ATRNL1: variants seen among roughly 807,000 people sequenced by gnomAD.
The protein encoded by ATRNL1 is attractin like 1.
In ATRNL1, 95 loss-of-function variants were observed where a neutral mutation model predicts 182.7. That is an observed-to-expected ratio of 0.52 (90% CI 0.44 to 0.62). The LOEUF (loss-of-function observed/expected upper bound fraction) is 0.62, where lower values mean the gene tolerates loss of function less well. Ranked by LOEUF, ATRNL1 falls within the 20% of genes least tolerant of loss-of-function variation. ATRNL1 has a pLI of 0.00. For synonymous variants in ATRNL1, 576 were observed against 568.3 expected, an observed-to-expected ratio of 1.01 and a Z score of -0.19; for missense variants, 1,471 against 1,679.5, an observed-to-expected ratio of 0.88 and a Z score of 2.17.
intron 26 of ATRNL1, among the ~76,000 whole-genome samples, chr10:115,718,808 A>G (rs72826815): frequency 4.5e-4 from 68 of 152,376 alleles, no homozygotes; most frequent in South Asian, 8.3e-4. Context: ...TCCAGGCTAC[A>G]TAAGTACTTC....
chr10:115,192,435 A>G (rs1477899769), intron 8 of ATRNL1, among the ~76,000 whole-genome samples: 3 of 152,014 alleles, frequency 2.0e-5, no homozygotes, highest in Non-Finnish European at 4.4e-5. Context: ...TGGAGTCTCT[A>G]TTCTGTTGCA....
At chr10:115,687,754 A>G (rs1018656964) in intron 26 of ATRNL1, among the ~76,000 whole-genome samples, 1 of 152,056 alleles carries the variant, frequency 6.6e-6, no homozygotes, top group South Asian at 2.1e-4. Context: ...ATAATGTTCA[A>G]TTCAGGGTAA....
intron 26 of ATRNL1, among the ~76,000 whole-genome samples, chr10:115,556,444 T>C (rs1554997053): frequency 1.3e-5 from 2 of 152,172 alleles, no homozygotes; most frequent in Admixed American, 6.5e-5. Flanking sequence ...ATGTTTCACA[T>C]AGTATCATTG....
At chr10:115,838,709 A>G (rs1483933183) in intron 27 of ATRNL1, among the ~76,000 whole-genome samples, 1 of 152,182 alleles carries the variant, frequency 6.6e-6, no homozygotes, top group Non-Finnish European at 1.5e-5. Context: ...TGATCATGGA[A>G]CATCGAGACA....
intron 19 of ATRNL1, among the ~76,000 whole-genome samples, chr10:115,368,132 T>C (rs1168855592): frequency 3.9e-5 from 6 of 152,308 alleles, no homozygotes; most frequent in Admixed American, 6.5e-5. Context: ...GGCTCGCTGC[T>C]GCCTTACAGT....
chr10:115,735,642 T>C (rs1237670594), intron 27 of ATRNL1, among the ~76,000 whole-genome samples: 2 of 152,198 alleles, frequency 1.3e-5, no homozygotes, highest in African/African-American at 4.8e-5. Flanking sequence ...ATAAGGGTAC[T>C]TGAACACAAG....
intron 9 of ATRNL1, among the ~76,000 whole-genome samples, chr10:115,234,281 C>G (rs1052101216): frequency 5.9e-5 from 9 of 152,012 alleles, no homozygotes; most frequent in Non-Finnish European, 1.0e-4. Context: ...TATATTCTCT[C>G]AGGATCTTTT....
chr10:115,593,002 G>A (rs1856006126), intron 26 of ATRNL1, among the ~76,000 whole-genome samples: 1 of 152,044 alleles, frequency 6.6e-6, no homozygotes, highest in South Asian at 2.1e-4. Context: ...CCACAGACTG[G>A]GTAATTTGTA....
chr10:115,830,960 T>A (rs1360625165), intron 27 of ATRNL1, among the ~76,000 whole-genome samples: 1 of 152,128 alleles, frequency 6.6e-6, no homozygotes, highest in Non-Finnish European at 1.5e-5. Flanking sequence ...AGGCCTTGCC[T>A]TTTTATCCCT....
At chr10:115,257,969 A>T (rs1851229251) in intron 10 of ATRNL1, among the ~76,000 whole-genome samples, 1 of 152,172 alleles carries the variant, frequency 6.6e-6, no homozygotes, top group Non-Finnish European at 1.5e-5. Context: ...GTTTCTGCCG[A>T]GAGATCTGCT....
At chr10:115,942,986 G>A (rs1565505726) in intron 28 of ATRNL1, among the ~76,000 whole-genome samples, 1 of 152,092 alleles carries the variant, frequency 6.6e-6, no homozygotes, top group Admixed American at 6.5e-5. Flanking sequence ...GTCCATCATT[G>A]GACAAACAAT....
intron 9 of ATRNL1, among the ~76,000 whole-genome samples, chr10:115,234,316 G>T (rs1215528500): frequency 6.6e-6 from 1 of 151,810 alleles, no homozygotes; most frequent in Non-Finnish European, 1.5e-5. Context: ...CTGTAGTTGT[G>T]TTCCCTTTTA....
intron 8 of ATRNL1, among the ~76,000 whole-genome samples, chr10:115,212,697 G>A (rs1849078601): frequency 6.6e-6 from 1 of 152,052 alleles, no homozygotes; most frequent in African/African-American, 2.4e-5. Context: ...GTCTTTTGCA[G>A]GGACATGGTT....
intron 27 of ATRNL1, among the ~76,000 whole-genome samples, chr10:115,847,536 G>C (rs1950957928): frequency 6.6e-6 from 1 of 151,996 alleles, no homozygotes; most frequent in Admixed American, 6.6e-5. Context: ...AGAAAATTAA[G>C]ATATGCCAAC....
chr10:115,108,438 G>A (rs919312618), intron 1 of ATRNL1, among the ~76,000 whole-genome samples: 23 of 152,262 alleles, frequency 1.5e-4, no homozygotes, highest in African/African-American at 4.6e-4. Context: ...GTCTCTGATC[G>A]GAAAGGACTG....
chr10:115,187,775 G>A (rs1184748657), intron 8 of ATRNL1, among the ~76,000 whole-genome samples: 4 of 143,454 alleles, frequency 2.8e-5, no homozygotes, highest in Non-Finnish European at 4.5e-5. Context: ...TCCACTTCCC[G>A]GGTTCAAGTG....
intron 26 of ATRNL1, among the ~76,000 whole-genome samples, chr10:115,568,196 A>G (rs1350673195): frequency 2.0e-5 from 3 of 152,086 alleles, no homozygotes; most frequent in Non-Finnish European, 4.4e-5. Context: ...TGTTCAGGCT[A>G]TTAAATCATA....
At chr10:115,581,178 G>C (rs563862371) in intron 26 of ATRNL1, among the ~76,000 whole-genome samples, 1 of 152,218 alleles carries the variant, frequency 6.6e-6, no homozygotes, top group Non-Finnish European at 1.5e-5. Flanking sequence ...TTTAAGAAAT[G>C]TACCTCACTA....
chr10:115,431,896 T>C (rs1288904917), intron 21 of ATRNL1, among the ~76,000 whole-genome samples: 1 of 152,084 alleles, frequency 6.6e-6, no homozygotes, highest in African/African-American at 2.4e-5. Context: ...GTTTCTTTTA[T>C]CTGCCAAAGG....
Sources: allele counts gnomAD v4.1 joint callset (sites outside exome capture counted in the v4.1 genomes callset), GRCh38; gene constraint gnomAD v4.1.1; transcripts MANE v1.5; gene names NCBI Gene and HGNC (gene_info 2026-07-23, HGNC 2026-07-21).